The following INTS6L variants were observed in gnomAD, a reference collection of about 807,000 sequenced individuals.
INTS6L encodes integrator complex subunit 6-like.
INTS6L carries 18 observed loss-of-function variants against 64.7 expected under a neutral mutation model. The observed-to-expected ratio is 0.28, with a 90% CI of 0.19 to 0.41. INTS6L has a LOEUF of 0.41. INTS6L is among the 10% of genes least tolerant of loss of function. INTS6L has a pLI of 1.00. For synonymous variants in INTS6L, 227 were observed against 235.9 expected, an observed-to-expected ratio of 0.96 and a Z score of 0.34; for missense variants, 533 against 661.0, an observed-to-expected ratio of 0.81 and a Z score of 2.12.
chrX:135,548,342 G>A (rs2086412883), intron 6 of INTS6L, among the ~76,000 whole-genome samples: 2 of 110,830 alleles, frequency 1.8e-5, no homozygotes, highest in Non-Finnish European at 3.8e-5. Flanking sequence ...TCACAATTTT[G>A]TATATAATCT....
At chrX:135,570,660 T>A in intron 11 of INTS6L, 114 bp downstream of exon 11, 1 of 840,919 alleles carries the variant, frequency 1.2e-6, no homozygotes. Flanking sequence ...CTCTACACTT[T>A]ATGGATTAGT....
intron 2 of INTS6L, 78 bp downstream of exon 2, chrX:135,521,396 C>A: frequency 1.9e-6 from 2 of 1,040,501 alleles, no homozygotes; most frequent in Non-Finnish European, 2.6e-6. Flanking sequence ...CTGCCCCCGC[C>A]TAAGGCGGTC....
Position 135,549,403 on chromosome X carries a change from A to G in INTS6L, c.743-239A>G, listed in dbSNP as rs1167714817. Among the ~76,000 whole-genome samples the G allele has an allele frequency of 4.4e-5, 5 of 112,506 alleles. No individual in the cohort carries two copies. The Admixed American group carries it at 4.7e-4, about 11-fold the overall frequency. Reference sequence around the variant, plus strand: ...TTTCTGCATAACTGCATATTCTCTTACTAGGTTAAGAATGGTGGGGTGGGT... The same window carrying G: ...TTTCTGCATAACTGCATATTCTCTTGCTAGGTTAAGAATGGTGGGGTGGGT... On this transcript the variant is annotated intron_variant, in intron 6 of 17. Transcript: ENST00000639893.
rs1237491183 is a variant in INTS6L at position 135,581,571 on chromosome X, G to GA, written c.2638dup (p.Ile880AsnfsTer11). 2 of 1,209,045 alleles carry GA rather than the reference G, an allele frequency of 1.7e-6. No homozygotes were observed. The highest frequency in any genetic ancestry group is 1.8e-5 in the South Asian group (1 of 56,618). Reference sequence around the variant, plus strand: ...AATTCAGTACCTTGAGAAGGTACTAGAAAAAATAAATTCCCACCACCTTCA... The same window carrying GA: ...AATTCAGTACCTTGAGAAGGTACTAGAAAAAAATAAATTCCCACCACCTTCA... On this transcript the variant is annotated frameshift_variant, in exon 18 of 18. Coordinates refer to ENST00000639893, the MANE Select transcript of INTS6L (RefSeq NM_001351601.3). LOFTEE classifies it high-confidence loss of function.
rs781956217 is a variant in INTS6L, at chrX:135,545,458, C to T, written c.225C>T (p.Ser75=). ...GWKENHATFM[S]ELKNLQASGL... The stretch of plus-strand genomic sequence containing the variant: ...AGGAAAATCATGCAACATTCATGAG[C>T]GAACTAAAAAATCTTCAGGCTTCTG... Residue 75 remains serine (S), a synonymous_variant, in exon 3 of 18, where the codon AGC becomes AGT. Transcript: ENST00000639893. 9.9e-6 allele frequency: 12 copies of T among 1,206,643 alleles called. No homozygotes were observed. Among genetic ancestry groups the T allele is most frequent in the African/African-American group, 5.3e-5 (3 of 56,882 alleles).
In INTS6L at chrX:135,560,026, A is replaced by G. The variant is rs1201718812; in HGVS notation, c.1192+3726A>G. On this transcript the variant is annotated intron_variant, in intron 9 of 17. Transcript: ENST00000639893. ...CTGTTGAGTTTTGAAAGTTCTTTAT[A>G]TATCATAGATACTAGCCCTCTGACA... Among the ~76,000 whole-genome samples, 11 of 112,226 alleles carry G rather than the reference A, an allele frequency of 9.8e-5. 1 individual carries two copies. The highest frequency in any genetic ancestry group is 9.4e-4 in the Admixed American group (10 of 10,620).
At chrX:135,535,335 G>A (rs1356058759) in intron 2 of INTS6L, among the ~76,000 whole-genome samples, 8 of 112,459 alleles carry the variant, frequency 7.1e-5, no homozygotes, top group Non-Finnish European at 1.3e-4. Context: ...CTGTCACAGT[G>A]TTCTGTTACC....
At chrX:135,569,095 A>G (rs782705475) in intron 9 of INTS6L, among the ~76,000 whole-genome samples, 1 of 112,263 alleles carries the variant, frequency 8.9e-6, no homozygotes, top group African/African-American at 3.2e-5. Context: ...TTGTTTTAAT[A>G]TTGTATTTCA....
chrX:135,539,862 G>A (rs1014429282), intron 2 of INTS6L, among the ~76,000 whole-genome samples: 4 of 111,439 alleles, frequency 3.6e-5, no homozygotes, highest in African/African-American at 6.5e-5. Context: ...AACATTTATC[G>A]ATTAAGTTCA....
rs782326944 is a variant in INTS6L at position 135,552,107 on chromosome X, G to A, written c.1020G>A (p.Gln340=). The A allele has an allele frequency of 5.5e-5, 66 of 1,201,858 alleles. No individual in the cohort carries two copies. The East Asian group carries it at 2.0e-3, about 36-fold the overall frequency. ...KYELEPSPLT[Q]YILERKSPHT... ...AACTTGAACCTTCGCCCTTAACTCA[G>A]TATATCTTGGAACGAAAGTCTCCCC... The change falls in exon 8 of 18, where the codon CAG becomes CAA. Residue 340 remains glutamine, a synonymous_variant. Coordinates refer to ENST00000639893, the MANE Select transcript of INTS6L (RefSeq NM_001351601.3).
In INTS6L at chrX:135,556,031, T is replaced by C. The variant is rs141542112; in HGVS notation, c.1060-137T>C. The C allele has an allele frequency of 9.8e-4, 613 of 623,828 alleles. 10 individuals are homozygous for C. The East Asian group carries it at 0.019, about 20-fold the overall frequency. The allele number at this position is 623,828 out of a possible 1,213,427, so 51.4% of individuals were successfully genotyped here. On this transcript the variant is annotated intron_variant, in intron 8 of 17. Coordinates refer to ENST00000639893, the MANE Select transcript of INTS6L (RefSeq NM_001351601.3). ...AGTATAATATATTTTGACATAACCA[T>C]AGGCTAAAAACACTATTGCTATTTT... is the stretch of plus-strand genomic sequence containing the variant.
chrX:135,532,964 C>T (rs1415119066), intron 2 of INTS6L, among the ~76,000 whole-genome samples: 2 of 111,464 alleles, frequency 1.8e-5, no homozygotes, highest in Non-Finnish European at 3.8e-5. Context: ...GCAGTCCCAG[C>T]TTCTCAGGAG....
chrX:135,553,481 A>ATCTTTT (rs1289456773), intron 8 of INTS6L, among the ~76,000 whole-genome samples: 1 of 80,784 alleles, frequency 1.2e-5, no homozygotes, highest in Non-Finnish European at 2.6e-5. Flanking sequence ...AATTTTTTAA[A>ATCTTTT]TTTTTTTTTT....
intron 7 of INTS6L, 57 bp from the exon 8 acceptor site, chrX:135,551,937 T>G (rs1166058263): frequency 1.0e-6 from 1 of 992,061 alleles, no homozygotes; most frequent in African/African-American, 2.0e-5. Context: ...GTCAGAAATA[T>G]AAGCTTGCTT....
In INTS6L at chrX:135,546,889, T is replaced by C. The variant is rs569081388; in HGVS notation, c.613+4T>C. 12 of 1,200,630 alleles carry C rather than the reference T, an allele frequency of 1.0e-5. No individual in the cohort carries two copies. In the South Asian group the frequency reaches 1.5e-4, roughly 15 times the overall value. On this transcript the variant is annotated splice_donor_region_variant and intron_variant, in intron 5 of 17. Coordinates refer to ENST00000639893, the MANE Select transcript of INTS6L (RefSeq NM_001351601.3). The stretch of plus-strand genomic sequence containing the variant: ...CAGATGTGTGAAGTCACAGGAGGTA[T>C]TGGCAATATTTAATGTTTCTGAAGG...
In INTS6L at chrX:135,521,041, C is replaced by A; in HGVS notation, c.49C>A (p.Arg17Ser). 1 of 1,211,512 alleles carries A rather than the reference C, an allele frequency of 8.3e-7. No individual in the cohort carries two copies. The highest frequency in any genetic ancestry group is 1.8e-5 in the South Asian group (1 of 56,962). ...LIDTSASMNQ[R>S]TDLGTSYLDI... is the part of the protein sequence containing the mutation. The stretch of plus-strand genomic sequence containing the variant: ...AGACACGTCCGCCTCTATGAACCAG[C>A]GCACTGACCTGGGCACCTCTTATTT... Residue 17 changes from arginine (R) to serine (S), a missense_variant, in exon 1 of 18, where the codon CGC becomes AGC. By Grantham distance (110) the Arg-to-Ser change is moderately radical. Coordinates refer to ENST00000639893, the MANE Select transcript of INTS6L (RefSeq NM_001351601.3).
rs781820391 is a variant in INTS6L at position 135,573,631 on chromosome X, T to C, written c.1618-308T>C. Among the ~76,000 whole-genome samples the C allele has an allele frequency of 1.2e-4, 14 of 112,694 alleles. No individual in the cohort carries two copies. The East Asian group carries it at 3.6e-3, about 29-fold the overall frequency. ...ATCCCAGCAGCTCACCTCCCCTCCA[T>C]GGCTGCCAGAGGAATACATCTAGAG... On this transcript the variant is annotated intron_variant, in intron 12 of 17. Transcript: ENST00000639893.
At chrX:135,548,051 A>G (rs1333438803) in intron 6 of INTS6L, among the ~76,000 whole-genome samples, 2 of 105,639 alleles carry the variant, frequency 1.9e-5, no homozygotes, top group Non-Finnish European at 3.9e-5. Context: ...GTAAGTGTAT[A>G]TATATATATA....
chrX:135,545,598 C>A lies in INTS6L; in HGVS notation c.339+26C>A, dbSNP rs782218730. The A allele has an allele frequency of 2.6e-6, 3 of 1,162,586 alleles. No individual in the cohort carries two copies. The South Asian group carries it at 6.0e-5, about 23-fold the overall frequency. On this transcript the variant is annotated intron_variant, in intron 3 of 17. Transcript: ENST00000639893. ...GTAAAAATAATTTGAGTGAGTACAG[C>A]TAATTTATTTTGGTGGCTTGGGGTA...
Sources: gnomAD v4.1 joint callset for allele counts (sites outside exome capture counted in the v4.1 genomes callset) on GRCh38, gnomAD v4.1.1 for gene constraint, MANE v1.5 for transcripts, NCBI Gene and HGNC (gene_info 2026-07-23, HGNC 2026-07-21) for gene names.